Variants in FBXO31 observed in about 807,000 individuals in gnomAD.
FBXO31 encodes F-box only protein 31.
A neutral mutation model predicts 54.4 loss-of-function variants in FBXO31; 24 were observed. The observed-to-expected ratio is 0.44, with a 90% CI of 0.32 to 0.62. FBXO31 has a LOEUF of 0.62. Among genes scored for constraint, FBXO31 ranks in the 20% least tolerant of loss-of-function variants. The pLI is 0.05. For missense variants in FBXO31, 665 were observed against 787.1 expected (o/e 0.84, Z 1.86); for synonymous variants, 388 against 335.6 (o/e 1.16, Z -1.71).
chr16:87,336,208 G>C lies in FBXO31; in HGVS notation c.789C>G (p.His263Gln). 1.2e-6 allele frequency: 2 copies of C among 1,614,204 alleles called. No individual in the cohort carries two copies. The highest frequency in any genetic ancestry group is 3.3e-5 in the Admixed American group (2 of 60,028). ...EWGRTLEDIF[H>Q]EHMQELILMK... ...TCAGGATGAGCTCCTGCATGTGCTC[G>C]TGGAAGATGTCCTCCAGCGTGCGCC... Residue 263 changes from histidine to glutamine, a missense_variant, in exon 6 of 9, where the codon CAC becomes CAG. This residue lies in a region of FBXO31 where 234 missense variants were observed against 346.8 expected (regional missense o/e 0.67). Coordinates refer to ENST00000311635, the MANE Select transcript of FBXO31 (RefSeq NM_024735.5). The surrounding 1 kb of genome is among the most constrained non-coding windows in gnomAD (Gnocchi z 6.5).
intron 2 of FBXO31, among the ~76,000 whole-genome samples, chr16:87,347,780 G>T (rs908047178): frequency 6.6e-6 from 1 of 152,156 alleles, no homozygotes; most frequent in Non-Finnish European, 1.5e-5. Flanking sequence ...ATCAATGGGG[G>T]GAAATCAAGC....
upstream of FBXO31, chr16:87,384,136 G>C (rs1219180604): frequency 4.5e-5 from 7 of 154,546 alleles, no homozygotes; most frequent in South Asian, 1.2e-3. Context: ...GTGGAGATAG[G>C]GGTCGCCCCT....
chr16:87,328,685 G>A lies in FBXO31; in HGVS notation c.*2603C>T, dbSNP rs1231429664. 6.6e-6 allele frequency: 1 copy of A among 152,238 alleles called. No individual in the cohort carries two copies. Among genetic ancestry groups the A allele is most frequent in the Non-Finnish European group, 1.5e-5 (1 of 68,066 alleles). The allele number at this position is 152,238 out of a possible 1,614,324, so 9.4% of individuals were successfully genotyped here. A position where few individuals can be genotyped will look rare whatever the true frequency, so the allele number is the denominator to read the frequency against. ...TTTCCAAACAAGTGACAAAGAACAC[G>A]TTCAGGTGTGCAGAGCTGCACTGCA... On this transcript the variant is annotated 3_prime_UTR_variant, in exon 9 of 9. Coordinates refer to ENST00000311635, the MANE Select transcript of FBXO31 (RefSeq NM_024735.5).
chr16:87,360,439 T>C (rs377320531), intron 1 of FBXO31, 73 bp from the exon 2 acceptor site: 5 of 1,359,028 alleles, frequency 3.7e-6, no homozygotes, highest in East Asian at 2.3e-5. Flanking sequence ...AGGCTGCTGA[T>C]GGCTGGCAGG....
intron 2 of FBXO31, among the ~76,000 whole-genome samples, chr16:87,349,995 C>G (rs1250835300): frequency 4.6e-5 from 7 of 152,158 alleles, no homozygotes; most frequent in South Asian, 4.1e-4. Flanking sequence ...CTAAAGCTCA[C>G]CAGTAATCCC....
chr16:87,327,689 G>A lies in FBXO31; in HGVS notation c.*3599C>T, dbSNP rs185772986. On this transcript the variant is annotated 3_prime_UTR_variant, in exon 9 of 9. Transcript: ENST00000311635. ...ACAAAAAAAGTACCAGCCGCATGGA[G>A]ACTATCTGCTGCTTGCATCTTCTCT... 1 of 152,252 alleles carries A rather than the reference G, an allele frequency of 6.6e-6. No homozygotes were observed. Among genetic ancestry groups the A allele is most frequent in the Admixed American group, 6.5e-5 (1 of 15,268 alleles). The allele number at this position is 152,252 out of a possible 1,614,324, so 9.4% of individuals were successfully genotyped here.
chr16:87,372,248 T>C (rs1438884646), intron 1 of FBXO31, among the ~76,000 whole-genome samples: 1 of 152,194 alleles, frequency 6.6e-6, no homozygotes, highest in Non-Finnish European at 1.5e-5. Flanking sequence ...AGCACCATTT[T>C]CCTTTATTCT....
At chr16:87,377,290 AC>A (rs1906866181) in intron 1 of FBXO31, among the ~76,000 whole-genome samples, 1 of 152,168 alleles carries the variant, frequency 6.6e-6, no homozygotes, top group African/African-American at 2.4e-5. Context: ...ATAAAAAGAT[AC>A]AAAAATTAGC....
chr16:87,384,815 G>C (rs1907268833), upstream of FBXO31, among the ~76,000 whole-genome samples: 1 of 152,082 alleles, frequency 6.6e-6, no homozygotes, highest in African/African-American at 2.4e-5. Context: ...ACCCGTGATG[G>C]TGCCACTGCA....
intron 1 of FBXO31, among the ~76,000 whole-genome samples, chr16:87,375,860 G>A (rs939793855): frequency 2.0e-5 from 3 of 152,118 alleles, no homozygotes; most frequent in African/African-American, 7.2e-5. Flanking sequence ...CCTGCCCAAA[G>A]AAACACTATT....
chr16:87,347,171 TACC>T lies in FBXO31; in HGVS notation c.489_489+2del. ...GACCTCGTCGCGAGGCTCCGGGACT[TACC>T]ACCACGTTCAGCAGTCCTCCGTATG... On this transcript the variant is annotated splice_donor_variant and coding_sequence_variant, in exon 3 of 9. Coordinates refer to ENST00000311635, the MANE Select transcript of FBXO31 (RefSeq NM_024735.5). LOFTEE classifies it high-confidence loss of function. The T allele has an allele frequency of 6.2e-7, 1 of 1,613,910 alleles. No individual in the cohort carries two copies. Among genetic ancestry groups the T allele is most frequent in the Non-Finnish European group, 8.5e-7 (1 of 1,179,886 alleles).
At chr16:87,368,459 A>C (rs1261683193) in intron 1 of FBXO31, among the ~76,000 whole-genome samples, 2 of 152,154 alleles carry the variant, frequency 1.3e-5, no homozygotes, top group Non-Finnish European at 2.9e-5. Flanking sequence ...CCTTCCTTCC[A>C]GAAAGACTGG....
chr16:87,377,189 A>C (rs1328378862), intron 1 of FBXO31, among the ~76,000 whole-genome samples: 1 of 152,268 alleles, frequency 6.6e-6, no homozygotes, highest in Admixed American at 6.5e-5. Flanking sequence ...TCACGCCAGT[A>C]ATCCTAGCAC....
chr16:87,360,416 G>C, intron 1 of FBXO31, 50 bp from the exon 2 acceptor site: 1 of 1,543,796 alleles, frequency 6.5e-7, no homozygotes, highest in Admixed American at 1.7e-5. Context: ...CTCATAACGC[G>C]ACAGACGTGG....
upstream of FBXO31, among the ~76,000 whole-genome samples, chr16:87,387,088 C>G (rs1390342071): frequency 1.3e-5 from 2 of 151,594 alleles, no homozygotes; most frequent in Non-Finnish European, 2.9e-5. Flanking sequence ...TGCTTGAGCC[C>G]AGGAGACTAG....
intron 1 of FBXO31, among the ~76,000 whole-genome samples, chr16:87,382,113 G>A (rs1221586064): frequency 2.0e-5 from 3 of 151,518 alleles, no homozygotes; most frequent in Admixed American, 6.6e-5. Context: ...TCTATAAAAT[G>A]CACAAAGCAG....
chr16:87,336,327 T>C lies in FBXO31; in HGVS notation c.733-63A>G, dbSNP rs556366747. ...AGGAGGCTGTGAAGAGGCTGCCGGC[T>C]GTGCCGCTGAGAGGACACAGTGTGT... is the stretch of plus-strand genomic sequence containing the variant. On this transcript the variant is annotated intron_variant, in intron 5 of 8. Coordinates refer to ENST00000311635, the MANE Select transcript of FBXO31 (RefSeq NM_024735.5). The surrounding 1 kb of genome is among the most constrained non-coding windows in gnomAD (Gnocchi z 6.5). 24 of 1,466,452 alleles carry C rather than the reference T, an allele frequency of 1.6e-5. No homozygotes were observed. The highest frequency in any genetic ancestry group is 3.4e-5 in the Admixed American group (2 of 59,640). The allele number at this position is 1,466,452 out of a possible 1,614,324, so 90.8% of individuals were successfully genotyped here. A position where few individuals can be genotyped will look rare whatever the true frequency, so the allele number is the denominator to read the frequency against.
rs1268257298 is a variant in FBXO31 at position 87,360,297 on chromosome 16, T to C, written c.410A>G (p.Lys137Arg). Reference protein sequence around the residue: ...TGVSCRDVYAKLLHRYRHILG... With the variant: ...TGVSCRDVYARLLHRYRHILG... ...TGGTAACAAATAGATTCACTCACGC[T>C]TCGCATAGACGTCCCGACAAGACAC... Residue 137 changes from lysine to arginine, a missense_variant and splice_region_variant, in exon 2 of 9, where the codon AAG (lysine) becomes AGG (arginine). Physicochemically the swap from Lys to Arg is conservative, Grantham distance 26. This residue lies in a region of FBXO31 where 234 missense variants were observed against 346.8 expected (regional missense o/e 0.67). Coordinates refer to ENST00000311635, the MANE Select transcript of FBXO31 (RefSeq NM_024735.5). The C allele has an allele frequency of 6.2e-7, 1 of 1,613,980 alleles. No homozygotes were observed. Among genetic ancestry groups the C allele is most frequent in the East Asian group, 2.2e-5 (1 of 44,890 alleles).
chr16:87,385,451 C>A (rs1489915638), upstream of FBXO31, among the ~76,000 whole-genome samples: 3 of 132,466 alleles, frequency 2.3e-5, no homozygotes, highest in African/African-American at 7.7e-5. Flanking sequence ...GAGCAAGACT[C>A]TGTCTCAAAA....
Sources: allele counts gnomAD v4.1 joint callset (sites outside exome capture counted in the v4.1 genomes callset), GRCh38; gene constraint gnomAD v4.1.1; regional missense constraint gnomAD v4.1.1; non-coding constraint Gnocchi (gnomAD v3.1); transcripts MANE v1.5; gene names NCBI Gene and HGNC (gene_info 2026-07-23, HGNC 2026-07-21).